Variants in RASGRP1 observed in about 807,000 individuals in gnomAD.
The protein encoded by RASGRP1 is RAS guanyl-releasing protein 1.
In RASGRP1, 37 loss-of-function variants were observed where a neutral mutation model predicts 95.1. The ratio of observed to expected loss-of-function variants is 0.39; its 90% CI spans 0.30 to 0.51. RASGRP1 has a LOEUF of 0.51. Among genes scored for constraint, RASGRP1 ranks in the 20% least tolerant of loss-of-function variants. The pLI is 0.80. For synonymous variants in RASGRP1, 325 were observed against 353.4 expected (o/e 0.92, Z 0.90); for missense variants, 711 against 965.4 (o/e 0.74, Z 3.49).
At chr15:38,555,881 G>T (rs1206110296) in intron 2 of RASGRP1, among the ~76,000 whole-genome samples, 1 of 152,116 alleles carries the variant, frequency 6.6e-6, no homozygotes, top group African/African-American at 2.4e-5. Context: ...GTGTTGGGGG[G>T]GCCCGTTCTG....
intron 2 of RASGRP1, 80 bp from the exon 3 acceptor site, chr15:38,526,484 G>A (rs1892224960): frequency 5.9e-6 from 6 of 1,023,082 alleles, no homozygotes; most frequent in Non-Finnish European, 9.0e-6. Context: ...AACCCTCTGT[G>A]ACTCAGGTGC....
intron 9 of RASGRP1, among the ~76,000 whole-genome samples, chr15:38,507,395 A>AGACTT (rs927025295): frequency 1.3e-5 from 2 of 152,148 alleles, no homozygotes; most frequent in African/African-American, 4.8e-5. Context: ...TCTGTTACCA[A>AGACTT]GACTTGTATC....
At chr15:38,564,410 C>T (rs1265043298) in intron 1 of RASGRP1, among the ~76,000 whole-genome samples, 184 bp downstream of exon 1, 2 of 152,128 alleles carry the variant, frequency 1.3e-5, no homozygotes, top group Non-Finnish European at 2.9e-5. Flanking sequence ...CTCCCCGAAA[C>T]CCCGGGCGCA....
chr15:38,526,409 A>C lies in RASGRP1; in HGVS notation c.221-5T>G, dbSNP rs761364891. ...GACACAGGTTTCCATCTGCATCTGAAAATATAAAGAGCAGCACCTGAGTTA... is the reference window on the plus strand; with the variant it reads ...GACACAGGTTTCCATCTGCATCTGACAATATAAAGAGCAGCACCTGAGTTA... On this transcript the variant is annotated splice_polypyrimidine_tract_variant and splice_region_variant and intron_variant, in intron 2 of 16. Coordinates refer to ENST00000310803, the MANE Select transcript of RASGRP1 (RefSeq NM_005739.4). 1 of 1,611,234 alleles carries C rather than the reference A, an allele frequency of 6.2e-7. No homozygotes were observed. Among genetic ancestry groups the C allele is most frequent in the South Asian group, 1.1e-5 (1 of 91,026 alleles).
Position 38,518,285 on chromosome 15 carries a change from C to T in RASGRP1, c.521+7G>A, listed in dbSNP as rs781258527. The stretch of plus-strand genomic sequence containing the variant: ...TTCGAAAGATGAGTCAAGACCTTGA[C>T]ACTCACATTTGAGTTGTGTCAATCA... On this transcript the variant is annotated splice_region_variant and intron_variant, in intron 5 of 16. Transcript: ENST00000310803. 6.2e-7 allele frequency: 1 copy of T among 1,608,654 alleles called. No individual in the cohort carries two copies. Among genetic ancestry groups the T allele is most frequent in the South Asian group, 1.1e-5 (1 of 89,708 alleles).
rs779094402 is a variant in RASGRP1 at position 38,518,423 on chromosome 15, C to A, written c.390G>T (p.Arg130Ser). 1.2e-6 allele frequency: 2 copies of A among 1,600,482 alleles called. No individual in the cohort carries two copies. The highest frequency in any genetic ancestry group is 1.7e-6 in the Non-Finnish European group (2 of 1,173,084). ...TGACCCAGAATTCTGTTATCCAATA[C>A]CTACAAGGAGGGGGTTAAAAAACAC... Reference protein sequence around the residue: ...GLCLKICYFVRYWITEFWVMF... With the variant: ...GLCLKICYFVSYWITEFWVMF... Residue 130 changes from arginine to serine, a missense_variant and splice_region_variant, in exon 5 of 17, where the codon AGG becomes AGT. Transcript: ENST00000310803.
intron 2 of RASGRP1, among the ~76,000 whole-genome samples, chr15:38,538,743 C>T (rs961433787): frequency 2.0e-5 from 3 of 152,180 alleles, no homozygotes; most frequent in Non-Finnish European, 2.9e-5. Context: ...AGAATGAGAG[C>T]TTCATAATGT....
At position 38,514,936 on chromosome 15, in the gene RASGRP1, T is replaced by C. The variant is rs1277073957; in HGVS notation, c.675+1261A>G. Among the ~76,000 whole-genome samples the C allele has an allele frequency of 2.6e-5, 4 of 152,208 alleles. No individual in the cohort carries two copies. In the East Asian group the frequency reaches 7.7e-4, roughly 29 times the overall value. On this transcript the variant is annotated intron_variant, in intron 6 of 16. Coordinates refer to ENST00000310803, the MANE Select transcript of RASGRP1 (RefSeq NM_005739.4). ...CCTGTGACGGGGAGGCACTGCCAAA[T>C]GGGAACTCCTGAGGCAGAGCTTTTC...
rs140046635 is a variant in RASGRP1 at position 38,511,893 on chromosome 15, G to C, written c.850-173C>G. On this transcript the variant is annotated intron_variant, in intron 7 of 16. Transcript: ENST00000310803. The stretch of plus-strand genomic sequence containing the variant: ...CTCCCCTTCTGCTTTATTCAGACTG[G>C]TGGATTCCACATCTGGGAGGCATTA... Among the ~76,000 whole-genome samples the C allele has an allele frequency of 2.6e-3, 397 of 152,250 alleles. 2 individuals are homozygous for C. Among genetic ancestry groups the C allele is most frequent in the African/African-American group, 9.0e-3 (372 of 41,544 alleles).
chr15:38,510,828 G>T (rs191333810), intron 8 of RASGRP1, among the ~76,000 whole-genome samples: 10 of 152,276 alleles, frequency 6.6e-5, no homozygotes, highest in African/African-American at 2.4e-4. Context: ...GGGCATAATG[G>T]TGTGCACCCA....
At chr15:38,559,549 T>G (rs933835844) in intron 2 of RASGRP1, among the ~76,000 whole-genome samples, 1 of 152,184 alleles carries the variant, frequency 6.6e-6, no homozygotes, top group African/African-American at 2.4e-5. Flanking sequence ...TTTATGATAT[T>G]TTTCATCACA....
At chr15:38,536,829 A>G (rs1892669089) in intron 2 of RASGRP1, among the ~76,000 whole-genome samples, 1 of 152,268 alleles carries the variant, frequency 6.6e-6, no homozygotes, top group Non-Finnish European at 1.5e-5. Context: ...AAAACATCAC[A>G]TCACCATGTA....
In RASGRP1 at chr15:38,489,718, C is replaced by G. The variant is rs186667510; in HGVS notation, c.*836G>C. The G allele has an allele frequency of 1.7e-5, 2 of 114,632 alleles. No individual in the cohort carries two copies. 7.1% of individuals were successfully genotyped at this position (114,632 alleles called of 1,614,324 possible). A position where few individuals can be genotyped will look rare whatever the true frequency, so the allele number is the denominator to read the frequency against. On this transcript the variant is annotated 3_prime_UTR_variant, in exon 17 of 17. Coordinates refer to ENST00000310803, the MANE Select transcript of RASGRP1 (RefSeq NM_005739.4). ...GATGGAACATGAAGAGTTAAACAGA[C>G]TCTTCATAGACTTTTTTTTTTAAGC... is the stretch of plus-strand genomic sequence containing the variant.
intron 2 of RASGRP1, among the ~76,000 whole-genome samples, chr15:38,543,371 G>A (rs906946295): frequency 6.6e-6 from 1 of 152,036 alleles, no homozygotes; most frequent in South Asian, 2.1e-4. Context: ...TCCAGAACGT[G>A]CTATTCTGTA....
At position 38,538,986 on chromosome 15, in the gene RASGRP1, A is replaced by G. The variant is rs1027124005; in HGVS notation, c.221-12582T>C. On this transcript the variant is annotated intron_variant, in intron 2 of 16. Coordinates refer to ENST00000310803, the MANE Select transcript of RASGRP1 (RefSeq NM_005739.4). The stretch of plus-strand genomic sequence containing the variant: ...AACCTCTATTTATTAGCGTTTTATG[A>G]ATGACCACTCTCCTCACACGTTGCC... Among the ~76,000 whole-genome samples, 3 of 152,172 alleles carry G rather than the reference A, an allele frequency of 2.0e-5. No homozygotes were observed. The South Asian group carries it at 6.2e-4, about 32-fold the overall frequency.
In RASGRP1 at chr15:38,488,355, A is replaced by T. The variant is rs1310537070; in HGVS notation, c.*2199T>A. On this transcript the variant is annotated 3_prime_UTR_variant, in exon 17 of 17. Coordinates refer to ENST00000310803, the MANE Select transcript of RASGRP1 (RefSeq NM_005739.4). ...TACCTGGCCAAACTAAAGTCGTGTG[A>T]GATGCAGAAATTTACACTAGGCTTG... 1 of 151,384 alleles carries T rather than the reference A, an allele frequency of 6.6e-6. No individual in the cohort carries two copies. Among genetic ancestry groups the T allele is most frequent in the Non-Finnish European group, 1.5e-5 (1 of 67,770 alleles). 9.4% of individuals were successfully genotyped at this position (151,384 alleles called of 1,614,324 possible). A position where few individuals can be genotyped will look rare whatever the true frequency, so the allele number is the denominator to read the frequency against.
At chr15:38,519,089 T>G (rs2141127875) in intron 4 of RASGRP1, among the ~76,000 whole-genome samples, 1 of 152,324 alleles carries the variant, frequency 6.6e-6, no homozygotes, top group South Asian at 2.1e-4. Flanking sequence ...TATTTCTGTA[T>G]TCCCTCCTTC....
chr15:38,501,442 T>C, intron 12 of RASGRP1, 155 bp from the exon 13 acceptor site: 1 of 873,862 alleles, frequency 1.1e-6, no homozygotes, highest in South Asian at 1.4e-5. Context: ...GGCCCTACTC[T>C]TAACAAGGAT....
intron 2 of RASGRP1, among the ~76,000 whole-genome samples, chr15:38,547,054 T>C (rs748961287): frequency 5.9e-5 from 9 of 152,190 alleles, no homozygotes; most frequent in Non-Finnish European, 1.0e-4. Flanking sequence ...CTGATGAAAA[T>C]GTCCACAGCC....
Sources: allele counts gnomAD v4.1 joint callset (sites outside exome capture counted in the v4.1 genomes callset), GRCh38; gene constraint gnomAD v4.1.1; transcripts MANE v1.5; gene names NCBI Gene and HGNC (gene_info 2026-07-23, HGNC 2026-07-21).